Variants in NDFIP1 observed in about 807,000 individuals in gnomAD.
NDFIP1 encodes Nedd4 family interacting protein 1, also known as NEDD4 family-interacting protein 1.
Under a neutral mutation model 28.8 loss-of-function variants are expected in NDFIP1, and 7 were observed. The ratio of observed to expected loss-of-function variants is 0.24; its 90% confidence interval spans 0.14 to 0.46. NDFIP1 has a LOEUF of 0.46. Ranked by LOEUF, NDFIP1 falls within the 20% of genes least tolerant of loss-of-function variation. The probability of loss-of-function intolerance (pLI) is 0.99; values close to 1 mark genes in which losing one functional copy is unlikely to be tolerated. For synonymous variants in NDFIP1, 92 were observed against 101.0 expected, an observed-to-expected ratio of 0.91 and a Z score of 0.53; for missense variants, 194 against 269.1, an observed-to-expected ratio of 0.72 and a Z score of 1.95.
chr5:142,120,882 G>A (rs1757116476), intron 1 of NDFIP1, among the ~76,000 whole-genome samples: 1 of 152,206 alleles, frequency 6.6e-6, no homozygotes, highest in South Asian at 2.1e-4. Flanking sequence ...AGGAAGAGGG[G>A]ACCTCATGAC....
rs990869011 is a variant in NDFIP1 at position 142,150,855 on chromosome 5, G to A, written c.*3-876G>A. 2.0e-5 allele frequency among the ~76,000 whole-genome samples: 3 copies of A among 152,254 alleles called. No homozygotes were observed. In the South Asian group the frequency reaches 6.2e-4, roughly 32 times the overall value. On this transcript the variant is annotated intron_variant, in intron 7 of 7. Coordinates refer to ENST00000253814, the MANE Select transcript of NDFIP1 (RefSeq NM_030571.4). The stretch of plus-strand genomic sequence containing the variant: ...CCATCCAACTCTCACTTCTTGCTGA[G>A]TACCACAAAATAGTTTCTCAATAAA...
chr5:142,131,959 T>TA, intron 2 of NDFIP1, 64 bp downstream of exon 2: 1 of 1,428,566 alleles, frequency 7.0e-7, no homozygotes, highest in Non-Finnish European at 9.5e-7. Context: ...ACATTACAGT[T>TA]TAAAAAAAAA....
intron 7 of NDFIP1, among the ~76,000 whole-genome samples, chr5:142,148,275 T>C (rs576671655): frequency 4.6e-5 from 7 of 152,296 alleles, no homozygotes; most frequent in African/African-American, 1.7e-4. Flanking sequence ...AAAGTAGATA[T>C]TACAAAAGCT....
chr5:142,150,939 T>C lies in NDFIP1; in HGVS notation c.*3-792T>C, dbSNP rs554529130. Among the ~76,000 whole-genome samples, 5 of 152,344 alleles carry C rather than the reference T, an allele frequency of 3.3e-5. No homozygotes were observed. The East Asian group carries it at 7.7e-4, about 24-fold the overall frequency. ...TTTCTTCTTTTATTCTTAATAGTTC[T>C]TCTTTTATTGTTAATATAGGGAATT... On this transcript the variant is annotated intron_variant, in intron 7 of 7. Transcript: ENST00000253814.
chr5:142,139,440 C>T (rs1757306334), intron 5 of NDFIP1, among the ~76,000 whole-genome samples: 1 of 152,076 alleles, frequency 6.6e-6, no homozygotes, highest in Non-Finnish European at 1.5e-5. Context: ...CATATTGGCA[C>T]AGGTCCCCCC....
Position 142,129,143 on chromosome 5 carries a change from A to G in NDFIP1, c.64-2665A>G, listed in dbSNP as rs188179720. Among the ~76,000 whole-genome samples, 72 of 152,350 alleles carry G rather than the reference A, an allele frequency of 4.7e-4. 1 individual carries two copies. Among genetic ancestry groups the G allele is most frequent in the Middle Eastern group, 6.8e-3 (2 of 294 alleles). On this transcript the variant is annotated intron_variant, in intron 1 of 7. Coordinates refer to ENST00000253814, the MANE Select transcript of NDFIP1 (RefSeq NM_030571.4). ...AATGAAGTTCATTACTGGCTACAGT[A>G]TATTAAGGGAACATATTCGAAAAGT...
chr5:142,152,797 T>G lies in NDFIP1; in HGVS notation c.*1069T>G, dbSNP rs547861616. 10 of 165,826 alleles carry G rather than the reference T, an allele frequency of 6.0e-5. No homozygotes were observed. The highest frequency in any genetic ancestry group is 7.9e-5 in the Non-Finnish European group (6 of 76,058). The allele number at this position is 165,826 out of a possible 1,614,324, so 10.3% of individuals were successfully genotyped here. The stretch of plus-strand genomic sequence containing the variant: ...AGCACCTTTTACTGTAGATTAGTGC[T>G]TAATTTCTTGGCTTGCATTTGTTGA... On this transcript the variant is annotated 3_prime_UTR_variant, in exon 8 of 8. Coordinates refer to ENST00000253814, the MANE Select transcript of NDFIP1 (RefSeq NM_030571.4).
intron 1 of NDFIP1, among the ~76,000 whole-genome samples, chr5:142,124,180 G>T (rs1012284722): frequency 6.6e-6 from 1 of 152,040 alleles, no homozygotes; most frequent in Non-Finnish European, 1.5e-5. Flanking sequence ...ATCAGTACTA[G>T]AAATATTTGG....
At chr5:142,149,649 A>G (rs997986077) in intron 7 of NDFIP1, among the ~76,000 whole-genome samples, 1 of 152,044 alleles carries the variant, frequency 6.6e-6, no homozygotes, top group Non-Finnish European at 1.5e-5. Context: ...TGACCTCTCT[A>G]GGTCCTCTTG....
chr5:142,145,277 C>G (rs989545095), intron 7 of NDFIP1, among the ~76,000 whole-genome samples: 28 of 152,298 alleles, frequency 1.8e-4, no homozygotes, highest in African/African-American at 6.5e-4. Flanking sequence ...TTGCCTAGAA[C>G]AGGAGGACTA....
chr5:142,113,397 T>C (rs1757034839), intron 1 of NDFIP1, among the ~76,000 whole-genome samples: 1 of 152,192 alleles, frequency 6.6e-6, no homozygotes, highest in Non-Finnish European at 1.5e-5. Flanking sequence ...TTGCTTATTT[T>C]TCAGTTTCAA....
chr5:142,145,430 A>G (rs776513778), intron 7 of NDFIP1, among the ~76,000 whole-genome samples: 4 of 152,162 alleles, frequency 2.6e-5, no homozygotes, highest in Admixed American at 2.6e-4. Context: ...AGCAAGTTCT[A>G]ATAGGCTTTC....
intron 1 of NDFIP1, among the ~76,000 whole-genome samples, chr5:142,121,956 C>T (rs1469201721): frequency 6.6e-6 from 1 of 152,158 alleles, no homozygotes; most frequent in Non-Finnish European, 1.5e-5. Context: ...AGTGATAAAC[C>T]ATGCAAAGGT....
chr5:142,116,700 C>CT (rs1054920917), intron 1 of NDFIP1, among the ~76,000 whole-genome samples: 14 of 151,700 alleles, frequency 9.2e-5, no homozygotes, highest in African/African-American at 2.9e-4. Flanking sequence ...CTCTCCTCTT[C>CT]TTTTTTATTT....
At chr5:142,120,295 A>G (rs1029928659) in intron 1 of NDFIP1, among the ~76,000 whole-genome samples, 2 of 152,142 alleles carry the variant, frequency 1.3e-5, no homozygotes, top group Non-Finnish European at 2.9e-5. Flanking sequence ...CTACAGCCAT[A>G]CCACTCTGAA....
At chr5:142,109,670 G>T (rs1322801670) in intron 1 of NDFIP1, among the ~76,000 whole-genome samples, 1 of 152,172 alleles carries the variant, frequency 6.6e-6, no homozygotes, top group African/African-American at 2.4e-5. Context: ...GCGTGTGCCG[G>T]GTGTATTTTA....
chr5:142,153,001 TAGAGAGGAGTTGTAG>T lies in NDFIP1; in HGVS notation c.*1277_*1291del, dbSNP rs1757463595. ...TGTAAAAGATAATGGACTAAAAAAG[TAGAGAGGAGTTGTAG>T]AGATCTTAAATCATTCTGGAATTCC... On this transcript the variant is annotated 3_prime_UTR_variant, in exon 8 of 8. Transcript: ENST00000253814. 6.7e-6 allele frequency: 2 copies of T among 298,800 alleles called. No individual in the cohort carries two copies. The highest frequency in any genetic ancestry group is 4.4e-5 in the African/African-American group (2 of 45,488). The allele number at this position is 298,800 out of a possible 1,614,324, so 18.5% of individuals were successfully genotyped here.
intron 7 of NDFIP1, among the ~76,000 whole-genome samples, chr5:142,147,953 G>C (rs1757407432): frequency 6.6e-6 from 1 of 152,190 alleles, no homozygotes; most frequent in South Asian, 2.1e-4. Context: ...AATGGGGTCA[G>C]TGTTCCCAAA....
chr5:142,146,246 G>A (rs922402309), intron 7 of NDFIP1, among the ~76,000 whole-genome samples: 1 of 152,186 alleles, frequency 6.6e-6, no homozygotes, highest in Non-Finnish European at 1.5e-5. Flanking sequence ...ATCTTTGATT[G>A]CATGTCTGAA....
Sources: gnomAD v4.1 joint callset for allele counts (sites outside exome capture counted in the v4.1 genomes callset) on GRCh38, gnomAD v4.1.1 for gene constraint, MANE v1.5 for transcripts, NCBI Gene and HGNC (gene_info 2026-07-23, HGNC 2026-07-21) for gene names.